ADGRL4: variants seen among roughly 807,000 people sequenced by gnomAD.
ADGRL4 encodes EGF, latrophilin and seven transmembrane domain containing 1.
In ADGRL4, 90 loss-of-function variants were observed where a neutral mutation model predicts 74.8. The observed-to-expected ratio is 1.20, with a 90% CI of 1.02 to 1.43. The LOEUF (loss-of-function observed/expected upper bound fraction) is 1.43. Ranked by LOEUF, ADGRL4 falls within the 40% of genes most tolerant of loss-of-function variation. The pLI is 0.00. For missense variants in ADGRL4, 881 were observed against 814.3 expected, an observed-to-expected ratio of 1.08 and a Z score of -1.00; for synonymous variants, 311 against 279.2, an observed-to-expected ratio of 1.11 and a Z score of -1.14.
intron 2 of ADGRL4, among the ~76,000 whole-genome samples, chr1:78,992,971 T>C (rs1400072204): frequency 6.6e-6 from 1 of 152,114 alleles, no homozygotes; most frequent in Non-Finnish European, 1.5e-5. Context: ...ATAATACATT[T>C]AGAATTTCTT....
At chr1:78,945,164 C>CAAAAAAAAA (rs57419194) in intron 3 of ADGRL4, among the ~76,000 whole-genome samples, 3 of 116,540 alleles carry the variant, frequency 2.6e-5, no homozygotes, top group East Asian at 6.8e-4. Flanking sequence ...GACTCTGTCT[C>CAAAAAAAAA]AAAAAAAAAA....
Position 78,926,950 on chromosome 1 carries a change from A to T in ADGRL4, c.1019T>A (p.Met340Lys). Residue 340 changes from methionine to lysine, a missense_variant, in exon 8 of 15, where the codon ATG (methionine) becomes AAG (lysine). Transcript: ENST00000370742. ...ATATAATGTGGGTGGGTTTGAGCTC[A>T]TTGAGACTGAAATTACTGAAGATAT... ...RVISSVISVS[M>K]SSNPPTLYEL... The T allele has an allele frequency of 6.2e-7, 1 of 1,612,342 alleles. No homozygotes were observed. Among genetic ancestry groups the T allele is most frequent in the Non-Finnish European group, 8.5e-7 (1 of 1,178,928 alleles).
chr1:78,905,348 G>T (rs992052677), intron 12 of ADGRL4, among the ~76,000 whole-genome samples: 45 of 151,924 alleles, frequency 3.0e-4, no homozygotes, highest in African/African-American at 1.1e-3. Flanking sequence ...GACCCATAAA[G>T]TACCCAGAAT....
intron 12 of ADGRL4, among the ~76,000 whole-genome samples, chr1:78,909,114 C>T (rs1268558389): frequency 6.6e-6 from 1 of 151,798 alleles, no homozygotes; most frequent in Non-Finnish European, 1.5e-5. Context: ...TGCCTTGAAA[C>T]ACAGAGGTGA....
chr1:78,999,380 A>C (rs1434682063), intron 2 of ADGRL4, among the ~76,000 whole-genome samples: 1 of 152,178 alleles, frequency 6.6e-6, no homozygotes, highest in African/African-American at 2.4e-5. Flanking sequence ...CAGGAATTAA[A>C]ATGTATTATA....
chr1:78,891,303 A>T, intron 14 of ADGRL4, 87 bp from the exon 15 acceptor site: 1 of 1,394,722 alleles, frequency 7.2e-7, no homozygotes, highest in Non-Finnish European at 9.8e-7. Context: ...ATTGTTACAT[A>T]TGGTTTTCTA....
rs760890375 is a variant in ADGRL4 at position 78,927,019 on chromosome 1, A to C, written c.950T>G (p.Leu317Trp). Residue 317 changes from leucine (L) to tryptophan (W), a missense_variant, in exon 8 of 15, where the codon TTG becomes TGG. By Grantham distance (61) the Leu-to-Trp change is moderately conservative. Coordinates refer to ENST00000370742, the MANE Select transcript of ADGRL4 (RefSeq NM_022159.4). ...PLLSSSDNFL[L>W]KPQNYDNSEE... ...AGAATTATCATAATTTTGAGGTTTC[A>C]ATAAGAAGTTGTCAGATGATGAAAG... 1.2e-6 allele frequency: 2 copies of C among 1,610,970 alleles called. No homozygotes were observed. Among genetic ancestry groups the C allele is most frequent in the East Asian group, 4.5e-5 (2 of 44,682 alleles).
chr1:78,938,060 C>G (rs1285262162), intron 5 of ADGRL4, 40 bp downstream of exon 5: 3 of 1,603,732 alleles, frequency 1.9e-6, no homozygotes, highest in African/African-American at 2.7e-5. Context: ...AGGAAAAATT[C>G]AAAGCTCAAT....
At chr1:78,946,187 C>A (rs1649596760) in intron 3 of ADGRL4, 87 bp downstream of exon 3, 3 of 1,034,526 alleles carry the variant, frequency 2.9e-6, no homozygotes, top group Non-Finnish European at 4.1e-6. Flanking sequence ...CAAGGTCTGG[C>A]AGAATTTGGT....
chr1:78,978,522 G>C (rs1012208241), intron 2 of ADGRL4, among the ~76,000 whole-genome samples: 2 of 151,792 alleles, frequency 1.3e-5, no homozygotes, highest in African/African-American at 4.8e-5. Flanking sequence ...ATTTTTGCCA[G>C]GTTTCCTGTT....
chr1:78,954,706 C>T (rs1054868131), intron 2 of ADGRL4, among the ~76,000 whole-genome samples: 2 of 152,064 alleles, frequency 1.3e-5, no homozygotes, highest in African/African-American at 2.4e-5. Context: ...CACAGAAGCA[C>T]ATTATATCAC....
At chr1:78,912,053 T>G (rs564850762) in intron 12 of ADGRL4, among the ~76,000 whole-genome samples, 1 of 151,840 alleles carries the variant, frequency 6.6e-6, no homozygotes, top group African/African-American at 2.4e-5. Context: ...GGCCACAAAG[T>G]TTTACAGTTC....
chr1:78,957,719 A>G (rs1219718761), intron 2 of ADGRL4, among the ~76,000 whole-genome samples: 1 of 152,228 alleles, frequency 6.6e-6, no homozygotes, highest in Non-Finnish European at 1.5e-5. Context: ...CTGATGTAGA[A>G]GCTGCAGCAA....
intron 2 of ADGRL4, among the ~76,000 whole-genome samples, chr1:78,994,794 T>C (rs1650681002): frequency 6.6e-6 from 1 of 152,234 alleles, no homozygotes; most frequent in African/African-American, 2.4e-5. Flanking sequence ...TTGATCATCC[T>C]GCCTCATTAG....
chr1:78,915,085 C>A (rs897025713), intron 12 of ADGRL4, among the ~76,000 whole-genome samples: 1 of 151,900 alleles, frequency 6.6e-6, no homozygotes, highest in Non-Finnish European at 1.5e-5. Flanking sequence ...CTAGGCAGAC[C>A]TGCAACTTCT....
At chr1:78,902,373 T>A (rs1377517399) in intron 12 of ADGRL4, among the ~76,000 whole-genome samples, 1 of 152,208 alleles carries the variant, frequency 6.6e-6, no homozygotes, top group African/African-American at 2.4e-5. Flanking sequence ...GGGATAAGCA[T>A]TCTTTGCCTT....
In ADGRL4 at chr1:78,938,211, T is replaced by A; in HGVS notation, c.465A>T (p.Ser155=). Residue 155 remains serine (S), a synonymous_variant, in exon 5 of 15, where the codon TCA becomes TCT. Transcript: ENST00000370742. The stretch of plus-strand genomic sequence containing the variant: ...CTATATATGTAATTATATCTGTTGG[T>A]GAAAGATCTGTCACAGAATTTCTAT... ...EVYRNSVTDL[S]PTDIITYIEI... 6.2e-7 allele frequency: 1 copy of A among 1,611,824 alleles called. No individual in the cohort carries two copies. Among genetic ancestry groups the A allele is most frequent in the Non-Finnish European group, 8.5e-7 (1 of 1,179,214 alleles).
chr1:78,891,560 C>A lies in ADGRL4; in HGVS notation c.1974G>T (p.Met658Ile), dbSNP rs1272042272. ...AAACACACAGGAATAAAAAAATGAA[C>A]ATCCCCTGGAAAGCATTGCTGACTG... ...LFTVSNAFQG[M>I]FIFLFLCVLS... The change falls in exon 14 of 15, where the codon ATG becomes ATT. Residue 658 changes from methionine to isoleucine, a missense_variant. Physicochemically the swap from Met to Ile is conservative, Grantham distance 10 (BLOSUM62 1). Transcript: ENST00000370742. 6.2e-7 allele frequency: 1 copy of A among 1,613,190 alleles called. No homozygotes were observed. The highest frequency in any genetic ancestry group is 1.3e-5 in the African/African-American group (1 of 74,860).
chr1:78,962,077 C>CTCTGTCTCT (rs1649965155), intron 2 of ADGRL4, among the ~76,000 whole-genome samples: 1 of 152,074 alleles, frequency 6.6e-6, no homozygotes, highest in Non-Finnish European at 1.5e-5. Context: ...GACAGAGTTT[C>CTCTGTCTCT]ACCATGTTCG....
Sources: gnomAD v4.1 joint callset for allele counts (sites outside exome capture counted in the v4.1 genomes callset) on GRCh38, gnomAD v4.1.1 for gene constraint, MANE v1.5 for transcripts, NCBI Gene and HGNC (gene_info 2026-07-23, HGNC 2026-07-21) for gene names.